The following DIAPH2 variants were observed in gnomAD, a reference collection of about 807,000 sequenced individuals.
The protein encoded by DIAPH2 is diaphanous related formin 2.
Under a neutral mutation model 92.7 loss-of-function variants are expected in DIAPH2, and 35 were observed. The observed-to-expected ratio is 0.38, with a 90% confidence interval of 0.29 to 0.50. The LOEUF is 0.50. Ranked by LOEUF, DIAPH2 falls within the 20% of genes least tolerant of loss-of-function variation. DIAPH2 has a pLI of 0.94. For missense variants in DIAPH2, 701 were observed against 819.5 expected (o/e 0.86, Z 1.77); for synonymous variants, 301 against 280.4 (o/e 1.07, Z -0.73).
At chrX:97,455,192 A>G (rs2070393632) in intron 26 of DIAPH2, among the ~76,000 whole-genome samples, 1 of 112,164 alleles carries the variant, frequency 8.9e-6, no homozygotes, top group South Asian at 3.7e-4. Context: ...TGGATAGCTG[A>G]GATCCTATTT....
intron 5 of DIAPH2, among the ~76,000 whole-genome samples, chrX:96,882,375 G>T (rs905061871): frequency 3.6e-5 from 4 of 110,971 alleles, no homozygotes; most frequent in African/African-American, 1.3e-4. Context: ...AACTTGAAAG[G>T]TATATATAAC....
intron 23 of DIAPH2, among the ~76,000 whole-genome samples, chrX:97,249,609 C>T (rs1477527994): frequency 8.9e-6 from 1 of 111,998 alleles, no homozygotes; most frequent in Non-Finnish European, 1.9e-5. Flanking sequence ...AACTGTGGCT[C>T]AAGTTATTCT....
chrX:97,392,043 T>A (rs1473970972), intron 25 of DIAPH2, among the ~76,000 whole-genome samples: 1 of 112,015 alleles, frequency 8.9e-6, no homozygotes, highest in Non-Finnish European at 1.9e-5. Context: ...TGATTAAATA[T>A]TAAAGAGACA....
At chrX:97,541,932 G>A (rs774204602) in intron 26 of DIAPH2, among the ~76,000 whole-genome samples, 5 of 112,548 alleles carry the variant, frequency 4.4e-5, no homozygotes, top group Non-Finnish European at 7.5e-5. Context: ...TTACCAATTA[G>A]GATCATGTTG....
chrX:97,301,146 G>A (rs1239246482), intron 23 of DIAPH2, among the ~76,000 whole-genome samples: 168 of 76,863 alleles, frequency 2.2e-3, no homozygotes, highest in African/African-American at 8.2e-3. Context: ...GCGAGACTCC[G>A]TCTCAAAAAA....
At chrX:97,293,266 T>C (rs1428681054) in intron 23 of DIAPH2, among the ~76,000 whole-genome samples, 1 of 97,423 alleles carries the variant, frequency 1.0e-5, no homozygotes, top group Non-Finnish European at 2.1e-5. Context: ...TTTTTTTTTT[T>C]TTTGAGACGG....
chrX:97,272,161 G>C (rs1412257495), intron 23 of DIAPH2, among the ~76,000 whole-genome samples: 1 of 110,158 alleles, frequency 9.1e-6, no homozygotes, highest in African/African-American at 3.3e-5. Context: ...ACCACGCCTG[G>C]CTAATTTTTG....
rs761334810 is a variant in DIAPH2, at chrX:96,708,246, AT to A, written c.132+23072del. On this transcript the variant is annotated intron_variant, in intron 1 of 26. Transcript: ENST00000324765. Reference sequence around the variant, plus strand: ...CTCTTCCCCACCCCCCACCCAGATCATTTTTTTTTTTTTTTTGAGGTGGAGT... The same window carrying A: ...CTCTTCCCCACCCCCCACCCAGATCATTTTTTTTTTTTTTTGAGGTGGAGT... 7.2e-3 allele frequency among the ~76,000 whole-genome samples: 260 copies of A among 36,027 alleles called. 2 individuals are homozygous for A. The highest frequency in any genetic ancestry group is 0.015 in the African/African-American group (139 of 9,286). The allele number at this position is 36,027 out of a possible 115,157, so 31.3% of individuals were successfully genotyped here. A position where few individuals can be genotyped will look rare whatever the true frequency, so the allele number is the denominator to read the frequency against.
At chrX:96,702,998 A>G (rs922016829) in intron 1 of DIAPH2, among the ~76,000 whole-genome samples, 2 of 111,588 alleles carry the variant, frequency 1.8e-5, no homozygotes, top group African/African-American at 6.5e-5. Flanking sequence ...GTTTCACGGT[A>G]TACATTTTAG....
At chrX:96,757,496 A>G (rs765754618) in intron 3 of DIAPH2, among the ~76,000 whole-genome samples, 2 of 112,336 alleles carry the variant, frequency 1.8e-5, no homozygotes, top group African/African-American at 3.2e-5. Flanking sequence ...AAGAAAAACA[A>G]TTTGTCTAAT....
At chrX:96,744,163 G>A (rs765777117) in intron 3 of DIAPH2, among the ~76,000 whole-genome samples, 3 of 111,951 alleles carry the variant, frequency 2.7e-5, no homozygotes, top group South Asian at 3.7e-4. Flanking sequence ...TTAGTTTGAC[G>A]GTAATAACCT....
At chrX:96,882,884 G>A (rs1436526921) in intron 5 of DIAPH2, among the ~76,000 whole-genome samples, 2 of 101,295 alleles carry the variant, frequency 2.0e-5, no homozygotes, top group Admixed American at 1.1e-4. Context: ...ACCTCAGCCC[G>A]GGAGGTGGAG....
At chrX:97,488,758 A>G (rs1957209787) in intron 26 of DIAPH2, among the ~76,000 whole-genome samples, 2 of 111,952 alleles carry the variant, frequency 1.8e-5, no homozygotes, top group Admixed American at 9.5e-5. Flanking sequence ...AGTTGACCAT[A>G]TATGCATGGA....
intron 18 of DIAPH2, 29 bp downstream of exon 18, chrX:97,073,071 T>C (rs1327757232): frequency 3.9e-6 from 4 of 1,029,910 alleles, no homozygotes; most frequent in Non-Finnish European, 5.4e-6. Flanking sequence ...GTAGGATTGG[T>C]ATAGGTAACG....
At chrX:97,095,506 T>G (rs1288835417) in intron 19 of DIAPH2, among the ~76,000 whole-genome samples, 1 of 108,229 alleles carries the variant, frequency 9.2e-6, no homozygotes, top group Non-Finnish European at 1.9e-5. Flanking sequence ...AATATATATA[T>G]AAATACATTT....
intron 23 of DIAPH2, among the ~76,000 whole-genome samples, chrX:97,334,395 G>A (rs1318996963): frequency 9.4e-6 from 1 of 106,506 alleles, no homozygotes; most frequent in Non-Finnish European, 1.9e-5. Context: ...CCCGGGAGGC[G>A]GAGCTTGCAG....
chrX:96,728,501 A>C (rs985357560), intron 1 of DIAPH2, among the ~76,000 whole-genome samples: 7 of 111,895 alleles, frequency 6.3e-5, no homozygotes, highest in African/African-American at 2.3e-4. Flanking sequence ...GTGAGCCACC[A>C]AGCCCAGCCT....
intron 22 of DIAPH2, among the ~76,000 whole-genome samples, chrX:97,183,645 G>T (rs1170483683): frequency 8.9e-6 from 1 of 111,998 alleles, no homozygotes; most frequent in Non-Finnish European, 1.9e-5. Flanking sequence ...TTTTAAAGCT[G>T]TTATTTCAGA....
rs115265939 is a variant in DIAPH2 at position 97,030,447 on chromosome X, T to C, written c.2051-42494T>C. On this transcript the variant is annotated intron_variant, in intron 17 of 26. Transcript: ENST00000324765. ...TGTTTAAGAACAGTATGACAAAATA[T>C]CATTTTAGTTGAAAGTGCTAAAGGA... Among the ~76,000 whole-genome samples, 739 of 111,574 alleles carry C rather than the reference T, an allele frequency of 6.6e-3. 4 individuals are homozygous for C. Among genetic ancestry groups the C allele is most frequent in the African/African-American group, 0.022 (688 of 30,730 alleles).
Sources: gnomAD v4.1 joint callset for allele counts (sites outside exome capture counted in the v4.1 genomes callset) on GRCh38, gnomAD v4.1.1 for gene constraint, MANE v1.5 for transcripts, NCBI Gene and HGNC (gene_info 2026-07-23, HGNC 2026-07-21) for gene names.